Variants in DNAH8 observed in about 807,000 individuals in gnomAD.
DNAH8 encodes dynein axonemal heavy chain 8, also known as axonemal beta dynein heavy chain 8.
DNAH8 carries 382 observed loss-of-function variants against 562.1 expected under a neutral mutation model. The ratio of observed to expected loss-of-function variants is 0.68; its 90% CI spans 0.63 to 0.74. The LOEUF (loss-of-function observed/expected upper bound fraction) is 0.74. Among genes scored for constraint, DNAH8 ranks in the 30% least tolerant of loss-of-function variants. The probability of loss-of-function intolerance (pLI) is 0.00; values close to 1 mark genes in which losing one functional copy is unlikely to be tolerated. For missense variants in DNAH8, 5,203 were observed against 5,620.4 expected (o/e 0.93, Z 2.37); for synonymous variants, 1,881 against 1,919.4 (o/e 0.98, Z 0.52).
chr6:38,982,715 C>T (rs569132465), intron 86 of DNAH8, among the ~76,000 whole-genome samples: 6 of 152,212 alleles, frequency 3.9e-5, no homozygotes, highest in Non-Finnish European at 8.8e-5. Flanking sequence ...TCAGGGACCA[C>T]AGTGCACTTC....
intron 62 of DNAH8, among the ~76,000 whole-genome samples, chr6:38,900,566 T>A (rs1200028952): frequency 1.3e-5 from 2 of 152,180 alleles, no homozygotes. Flanking sequence ...GTCATGAGAG[T>A]TGCTCCGCAT....
chr6:38,789,818 T>C lies in DNAH8; in HGVS notation c.2599T>C (p.Tyr867His). ...CTTCCTACAGGGTCTTCTGCAATAT[T>C]ATGATGAGTTATGTCAGGAAGTGCC... ...KLYLQGLLQY[Y>H]DELCQEVPSV... The change falls in exon 19 of 93, where the codon TAT (tyrosine) becomes CAT (histidine). Residue 867 changes from tyrosine (Y) to histidine (H), a missense_variant. Tyr to His is a moderately conservative substitution (Grantham distance 83). Coordinates refer to ENST00000327475, the MANE Select transcript of DNAH8 (RefSeq NM_001206927.2). The C allele has an allele frequency of 6.2e-7, 1 of 1,611,318 alleles. No individual in the cohort carries two copies.
intron 68 of DNAH8, among the ~76,000 whole-genome samples, chr6:38,915,701 A>G (rs542297703): frequency 6.6e-6 from 1 of 152,208 alleles, no homozygotes; most frequent in Admixed American, 6.5e-5. Flanking sequence ...AGATTATGTC[A>G]TGCTCCCTTT....
At chr6:38,760,119 A>G (rs958962345) in intron 10 of DNAH8, among the ~76,000 whole-genome samples, 4 of 152,218 alleles carry the variant, frequency 2.6e-5, no homozygotes, top group Non-Finnish European at 5.9e-5. Context: ...CTGTTTTGTG[A>G]TTCCCACATC....
At chr6:38,946,815 A>C (rs201918098) in intron 80 of DNAH8, among the ~76,000 whole-genome samples, 1 of 112,466 alleles carries the variant, frequency 8.9e-6, no homozygotes, top group Non-Finnish European at 2.1e-5. Context: ...GTCTTGGGGG[A>C]AAAAAAAAGA....
At chr6:38,840,591 T>G (rs1057283264) in intron 33 of DNAH8, among the ~76,000 whole-genome samples, 8 of 152,232 alleles carry the variant, frequency 5.3e-5, no homozygotes, top group Non-Finnish European at 7.3e-5. Context: ...TCATCTAGGT[T>G]ATGATCATCT....
intron 82 of DNAH8, among the ~76,000 whole-genome samples, chr6:38,959,837 T>G (rs1271913307): frequency 6.6e-6 from 1 of 151,256 alleles, no homozygotes; most frequent in Non-Finnish European, 1.5e-5. Flanking sequence ...AAAAAAAGTT[T>G]AAGGCACCAA....
At chr6:38,991,965 C>T in intron 88 of DNAH8, among the ~76,000 whole-genome samples, 1 of 137,400 alleles carries the variant, frequency 7.3e-6, no homozygotes, top group South Asian at 2.6e-4. Flanking sequence ...CTGACATACT[C>T]TACACTTTTT....
rs78284484 is a variant in DNAH8, at chr6:38,889,044, T to C, written c.8474-1608T>C. On this transcript the variant is annotated intron_variant, in intron 57 of 92. Coordinates refer to ENST00000327475, the MANE Select transcript of DNAH8 (RefSeq NM_001206927.2). ...GGGCCTCAATCCATCTGTAGTTGAT[T>C]TTGCACATGCATGCCAGCAGACTTA... Among the ~76,000 whole-genome samples, 1,571 of 152,326 alleles carry C rather than the reference T, an allele frequency of 0.01. 90 individuals carry two copies. The East Asian group carries it at 0.15, about 14-fold the overall frequency.
intron 21 of DNAH8, among the ~76,000 whole-genome samples, chr6:38,795,188 A>T (rs1033320489): frequency 3.3e-5 from 5 of 152,206 alleles, no homozygotes; most frequent in Non-Finnish European, 7.3e-5. Context: ...AATGTTGTAT[A>T]ACCATCACAA....
intron 58 of DNAH8, among the ~76,000 whole-genome samples, chr6:38,892,105 G>A (rs1779376362): frequency 6.6e-6 from 1 of 152,034 alleles, no homozygotes; most frequent in South Asian, 2.1e-4. Context: ...CTAGTGCACT[G>A]GCTACCTCAT....
intron 66 of DNAH8, among the ~76,000 whole-genome samples, chr6:38,912,016 CAA>C (rs1410213926): frequency 6.6e-6 from 1 of 152,084 alleles, no homozygotes; most frequent in Non-Finnish European, 1.5e-5. Flanking sequence ...CAAATAAAAA[CAA>C]AAAGAGATTG....
At chr6:39,009,302 A>T (rs1284261402) in intron 89 of DNAH8, among the ~76,000 whole-genome samples, 2 of 16,718 alleles carry the variant, frequency 1.2e-4, no homozygotes, top group African/African-American at 2.6e-4. Context: ...AAGCTGTGCT[A>T]AAAAAAAAAA....
Position 38,909,625 on chromosome 6 carries a change from C to T in DNAH8, c.9621C>T (p.Ala3207=). 1.2e-6 allele frequency: 2 copies of T among 1,614,150 alleles called. No individual in the cohort carries two copies. Among genetic ancestry groups the T allele is most frequent in the South Asian group, 1.1e-5 (1 of 91,080 alleles). ...RWPREALIAV[A]SYFLSDYNIV... ...CAAGGGAGGCTCTGATTGCTGTGGC[C>T]TCCTACTTCCTTTCAGACTATAATA... Residue 3207 remains alanine, a synonymous_variant, in exon 65 of 93, where the codon GCC becomes GCT. Transcript: ENST00000327475.
At chr6:38,852,089 C>T (rs1019016959) in intron 39 of DNAH8, among the ~76,000 whole-genome samples, 4 of 152,158 alleles carry the variant, frequency 2.6e-5, no homozygotes, top group Admixed American at 6.5e-5. Context: ...TATTCTTAGA[C>T]CAAATAGGGA....
Position 38,828,306 on chromosome 6 carries a change from T to A in DNAH8, c.4188+18T>A. 1 of 1,438,472 alleles carries A rather than the reference T, an allele frequency of 7.0e-7. No homozygotes were observed. Among genetic ancestry groups the A allele is most frequent in the Non-Finnish European group, 9.5e-7 (1 of 1,054,054 alleles). 89.1% of individuals were successfully genotyped at this position (1,438,472 alleles called of 1,614,324 possible). On this transcript the variant is annotated intron_variant, in intron 30 of 92. Transcript: ENST00000327475. Reference sequence around the variant, plus strand: ...GCAAAGCTGTAAGTATGAATTTAACTACATTATTTTTTCTTAAGTCACTAT... The same window carrying A: ...GCAAAGCTGTAAGTATGAATTTAACAACATTATTTTTTCTTAAGTCACTAT...
intron 23 of DNAH8, among the ~76,000 whole-genome samples, chr6:38,807,079 A>G (rs1031680105): frequency 6.6e-6 from 1 of 152,212 alleles, no homozygotes; most frequent in African/African-American, 2.4e-5. Flanking sequence ...GCTCTGATCA[A>G]TAAACTTGGC....
chr6:38,783,830 C>T (rs1768883589), intron 17 of DNAH8, among the ~76,000 whole-genome samples: 1 of 152,160 alleles, frequency 6.6e-6, no homozygotes, highest in Non-Finnish European at 1.5e-5. Flanking sequence ...AACTCTTATA[C>T]GTGACCTTGG....
intron 85 of DNAH8, among the ~76,000 whole-genome samples, chr6:38,974,874 T>A (rs2150697632): frequency 6.6e-6 from 1 of 152,298 alleles, no homozygotes; most frequent in Non-Finnish European, 1.5e-5. Context: ...GATAGGAGCT[T>A]GGTTTTGAAA....
Sources: allele counts gnomAD v4.1 joint callset (sites outside exome capture counted in the v4.1 genomes callset), GRCh38; gene constraint gnomAD v4.1.1; transcripts MANE v1.5; gene names NCBI Gene and HGNC (gene_info 2026-07-23, HGNC 2026-07-21).